CSNK1G1: variants seen among roughly 807,000 people sequenced by gnomAD.
The protein encoded by CSNK1G1 is casein kinase I isoform gamma-1.
In CSNK1G1, 22 loss-of-function variants were observed where a neutral mutation model predicts 59.6. The ratio of observed to expected loss-of-function variants is 0.37; its 90% CI spans 0.26 to 0.53. The LOEUF (loss-of-function observed/expected upper bound fraction) is 0.53, where lower values mean the gene tolerates loss of function less well. Among genes scored for constraint, CSNK1G1 ranks in the 20% least tolerant of loss-of-function variants. The pLI, the probability that CSNK1G1 is intolerant of heterozygous loss-of-function variation, is 0.89. For missense variants in CSNK1G1, 384 were observed against 519.5 expected, an observed-to-expected ratio of 0.74 and a Z score of 2.54; for synonymous variants, 179 against 177.1, an observed-to-expected ratio of 1.01 and a Z score of -0.08.
At chr15:64,348,940 T>A (rs2140489766) in intron 1 of CSNK1G1, among the ~76,000 whole-genome samples, 1 of 152,214 alleles carries the variant, frequency 6.6e-6, no homozygotes, top group South Asian at 2.1e-4. Flanking sequence ...GAGACCAGCC[T>A]GGCCAACGTG....
chr15:64,310,803 G>A (rs1244873814), intron 1 of CSNK1G1, among the ~76,000 whole-genome samples: 1 of 151,700 alleles, frequency 6.6e-6, no homozygotes, highest in Non-Finnish European at 1.5e-5. Context: ...TCAGGAGATC[G>A]AGACCATCCT....
At chr15:64,234,960 C>T (rs2082596072) in intron 4 of CSNK1G1, among the ~76,000 whole-genome samples, 7 of 152,086 alleles carry the variant, frequency 4.6e-5, no homozygotes, top group Admixed American at 4.6e-4. Context: ...ATGCAGGAGG[C>T]CTTTTCCCAC....
chr15:64,283,638 C>T (rs1396660195), intron 2 of CSNK1G1, among the ~76,000 whole-genome samples: 8 of 151,750 alleles, frequency 5.3e-5, no homozygotes, highest in South Asian at 4.2e-4. Flanking sequence ...AGCACACCAA[C>T]GCACCCAGCT....
chr15:64,313,791 G>GA (rs762887326), intron 1 of CSNK1G1, among the ~76,000 whole-genome samples: 1,147 of 81,786 alleles, frequency 0.014, 12 homozygotes, highest in African/African-American at 0.042. Context: ...CCTGCTGGGA[G>GA]AAAAAAAAAA....
intron 1 of CSNK1G1, among the ~76,000 whole-genome samples, chr15:64,345,883 C>T (rs1897933281): frequency 6.6e-6 from 1 of 152,112 alleles, no homozygotes; most frequent in South Asian, 2.1e-4. Flanking sequence ...CCTCCTACTC[C>T]CTGGTTAAGC....
intron 1 of CSNK1G1, among the ~76,000 whole-genome samples, chr15:64,337,317 A>C (rs139559831): frequency 6.6e-6 from 1 of 152,202 alleles, no homozygotes; most frequent in Non-Finnish European, 1.5e-5. Flanking sequence ...ACCAAAAAAG[A>C]CTTCTAATAA....
At chr15:64,184,044 C>T (rs1311497668) in intron 10 of CSNK1G1, among the ~76,000 whole-genome samples, 1 of 152,104 alleles carries the variant, frequency 6.6e-6, no homozygotes, top group African/African-American at 2.4e-5. Context: ...TGGCTCACGC[C>T]TGTAATCCCA....
intron 2 of CSNK1G1, among the ~76,000 whole-genome samples, chr15:64,274,276 T>C (rs1299201503): frequency 6.6e-6 from 1 of 152,158 alleles, no homozygotes; most frequent in African/African-American, 2.4e-5. Flanking sequence ...AATGCAGCCA[T>C]GTTTCAGAAA....
chr15:64,275,452 AAT>A (rs930972787), intron 2 of CSNK1G1, among the ~76,000 whole-genome samples: 1 of 152,218 alleles, frequency 6.6e-6, no homozygotes, highest in Non-Finnish European at 1.5e-5. Context: ...ATAGTATTAA[AAT>A]ATTAGTATAC....
At chr15:64,251,023 C>T (rs775327831) in intron 4 of CSNK1G1, among the ~76,000 whole-genome samples, 12 of 151,906 alleles carry the variant, frequency 7.9e-5, no homozygotes, top group Non-Finnish European at 1.8e-4. Context: ...TAAAAATTGC[C>T]GAAGGTCATA....
At chr15:64,199,721 C>T (rs1357545995) in intron 10 of CSNK1G1, among the ~76,000 whole-genome samples, 1 of 152,068 alleles carries the variant, frequency 6.6e-6, no homozygotes, top group Non-Finnish European at 1.5e-5. Context: ...GGTGTGGTGG[C>T]GTGCGCCTGC....
At position 64,167,046 on chromosome 15, in the gene CSNK1G1, T is replaced by C. The variant is rs2081610723; in HGVS notation, c.*4885A>G. 1 of 152,222 alleles carries C rather than the reference T, an allele frequency of 6.6e-6. No individual in the cohort carries two copies. Among genetic ancestry groups the C allele is most frequent in the African/African-American group, 2.4e-5 (1 of 41,454 alleles). The allele number at this position is 152,222 out of a possible 1,614,324, so 9.4% of individuals were successfully genotyped here. On this transcript the variant is annotated 3_prime_UTR_variant, in exon 12 of 12. Transcript: ENST00000303052. Reference sequence around the variant, plus strand: ...CAAATACCGGAAGTGGGTTTTCTGGTTGTGTTTTGAGAAAATATGTCAACT... The same window carrying C: ...CAAATACCGGAAGTGGGTTTTCTGGCTGTGTTTTGAGAAAATATGTCAACT...
At chr15:64,345,570 T>G (rs1056443109) in intron 1 of CSNK1G1, among the ~76,000 whole-genome samples, 14 of 152,238 alleles carry the variant, frequency 9.2e-5, no homozygotes, top group African/African-American at 3.4e-4. Context: ...TAGCTCATAC[T>G]TCCTAAGACT....
At position 64,203,694 on chromosome 15, in the gene CSNK1G1, T is replaced by TAAAAAAAAAAAA. The variant is rs531367701; in HGVS notation, c.1000-517_1000-506dup. ...CCTGGGCAACAAGAGTGAAACTCCG[T>TAAAAAAAAAAAA]AAAAAAAAAAAAAAAAAAAAAAAAA... On this transcript the variant is annotated intron_variant, in intron 9 of 11. Coordinates refer to ENST00000303052, the MANE Select transcript of CSNK1G1 (RefSeq NM_022048.5). Among the ~76,000 whole-genome samples, 149 of 56,168 alleles carry TAAAAAAAAAAAA rather than the reference T, an allele frequency of 2.7e-3. 6 individuals are homozygous for TAAAAAAAAAAAA. Among genetic ancestry groups the TAAAAAAAAAAAA allele is most frequent in the African/African-American group, 0.011 (141 of 12,944 alleles). 36.8% of individuals were successfully genotyped at this position (56,168 alleles called of 152,430 possible).
intron 4 of CSNK1G1, among the ~76,000 whole-genome samples, chr15:64,247,996 T>A (rs1106912): frequency 0.14 from 21,590 of 152,224 alleles, 2,833 homozygotes; most frequent in African/African-American, 0.35. Flanking sequence ...TATTTTATAA[T>A]TCACTGGACA....
chr15:64,352,548 C>T (rs1287389743), intron 1 of CSNK1G1, among the ~76,000 whole-genome samples: 4 of 138,960 alleles, frequency 2.9e-5, no homozygotes, highest in African/African-American at 1.1e-4. Context: ...CGGGTTCAAG[C>T]GATTCTCTTG....
chr15:64,266,382 C>G (rs533983181), intron 2 of CSNK1G1, among the ~76,000 whole-genome samples: 9 of 152,018 alleles, frequency 5.9e-5, no homozygotes, highest in African/African-American at 2.2e-4. Context: ...AGCCCCTGAC[C>G]TTGTCTCTTA....
At chr15:64,281,816 A>G (rs1323072750) in intron 2 of CSNK1G1, among the ~76,000 whole-genome samples, 2 of 151,732 alleles carry the variant, frequency 1.3e-5, no homozygotes, top group Non-Finnish European at 2.9e-5. Context: ...AAAAAAAAAG[A>G]AAAGAAAAAG....
chr15:64,203,053 G>T, intron 10 of CSNK1G1, 29 bp downstream of exon 10: 1 of 1,508,812 alleles, frequency 6.6e-7, no homozygotes. Context: ...GAAGGGTAGT[G>T]TCTGAAAGAA....
Sources: gnomAD v4.1 joint callset for allele counts (sites outside exome capture counted in the v4.1 genomes callset) on GRCh38, gnomAD v4.1.1 for gene constraint, MANE v1.5 for transcripts, NCBI Gene and HGNC (gene_info 2026-07-23, HGNC 2026-07-21) for gene names.